The following DNAJB6 variants were observed in gnomAD, a reference collection of about 807,000 sequenced individuals.
DNAJB6 encodes the protein DnaJ heat shock protein family (Hsp40) member B6, also known as dnaJ homolog subfamily B member 6.
Under a neutral mutation model 42.7 loss-of-function variants are expected in DNAJB6, and 16 were observed. The ratio of observed to expected loss-of-function variants is 0.37; its 90% CI spans 0.25 to 0.57. DNAJB6 has a LOEUF of 0.57. Ranked by LOEUF, DNAJB6 falls within the 20% of genes least tolerant of loss-of-function variation. The probability of loss-of-function intolerance (pLI) is 0.74; values close to 1 mark genes in which losing one functional copy is unlikely to be tolerated. For missense variants in DNAJB6, 347 were observed against 416.8 expected (o/e 0.83, Z 1.46); for synonymous variants, 170 against 163.5 (o/e 1.04, Z -0.30).
At chr7:157,396,421 T>C (rs1341394447) in intron 8 of DNAJB6, among the ~76,000 whole-genome samples, 1 of 152,176 alleles carries the variant, frequency 6.6e-6, no homozygotes, top group Non-Finnish European at 1.5e-5. Context: ...ACTTAGACTT[T>C]ATGTAGTGGG....
intron 8 of DNAJB6, among the ~76,000 whole-genome samples, chr7:157,388,690 C>T (rs1056454583): frequency 4.0e-5 from 6 of 151,414 alleles, no homozygotes; most frequent in Non-Finnish European, 7.4e-5. Flanking sequence ...ATAGTGAATT[C>T]TGAGATGTTA....
intron 8 of DNAJB6, among the ~76,000 whole-genome samples, chr7:157,406,881 G>A (rs1041114197): frequency 2.0e-5 from 3 of 152,244 alleles, no homozygotes; most frequent in African/African-American, 7.2e-5. Flanking sequence ...ACCTCCCCCA[G>A]AGCAGCTCTG....
Position 157,340,998 on chromosome 7 carries a change from G to T in DNAJB6, c.-27+3854G>T, listed in dbSNP as rs867764663. On this transcript the variant is annotated intron_variant, in intron 1 of 9. Transcript: ENST00000262177. Reference sequence around the variant, plus strand: ...TGTGTGTGTGTGTGTGTGTGTGTGTGCGCGCGCGCAGGTGGAATCACCCTG... The same window carrying T: ...TGTGTGTGTGTGTGTGTGTGTGTGTTCGCGCGCGCAGGTGGAATCACCCTG... Among the ~76,000 whole-genome samples, 422 of 135,042 alleles carry T rather than the reference G, an allele frequency of 3.1e-3. 2 individuals carry two copies. The highest frequency in any genetic ancestry group is 0.012 in the African/African-American group (375 of 31,442). The allele number at this position is 135,042 out of a possible 152,430, so 88.6% of individuals were successfully genotyped here. A position where few individuals can be genotyped will look rare whatever the true frequency, so the allele number is the denominator to read the frequency against.
At chr7:157,382,142 TC>T (rs1800812655) in intron 5 of DNAJB6, 103 bp from the exon 6 acceptor site, 4 of 1,332,674 alleles carry the variant, frequency 3.0e-6, no homozygotes, top group South Asian at 3.2e-5. Context: ...AGTTTTTTGT[TC>T]CTGAATATGT....
intron 5 of DNAJB6, among the ~76,000 whole-genome samples, chr7:157,370,073 G>GGGCCCCTTCTTAACATTATTATTAAACA (rs1462522844): frequency 1.0e-3 from 134 of 132,202 alleles, no homozygotes; most frequent in African/African-American, 3.8e-3. Flanking sequence ...ATTATTAAAC[G>GGGCCCCTTCTTAACATTATTATTAAACA]GGCCCCTTCT....
At chr7:157,385,069 A>G (rs1335216712) in intron 7 of DNAJB6, 61 bp downstream of exon 7, 4 of 1,538,534 alleles carry the variant, frequency 2.6e-6, no homozygotes, top group African/African-American at 2.7e-5. Context: ...CACTGGTGCC[A>G]TGTTGCACGT....
intron 1 of DNAJB6, among the ~76,000 whole-genome samples, chr7:157,353,119 G>C (rs1799083177): frequency 6.7e-6 from 1 of 150,254 alleles, no homozygotes; most frequent in South Asian, 2.1e-4. Flanking sequence ...GTAGAGACAG[G>C]GTTTCGCCGT....
At chr7:157,346,842 T>G (rs1798713740) in intron 1 of DNAJB6, among the ~76,000 whole-genome samples, 1 of 152,166 alleles carries the variant, frequency 6.6e-6, no homozygotes, top group Admixed American at 6.6e-5. Context: ...TTTCTAGACC[T>G]TCAGCTATTT....
chr7:157,366,695 GGGGAGA>G, intron 4 of DNAJB6, 134 bp downstream of exon 4: 1 of 756,110 alleles, frequency 1.3e-6, no homozygotes, highest in Non-Finnish European at 2.2e-6. Flanking sequence ...GAACTAAATT[GGGGAGA>G]GGACAGAGAA....
chr7:157,355,765 C>T (rs1214629591), intron 1 of DNAJB6, among the ~76,000 whole-genome samples: 1 of 152,112 alleles, frequency 6.6e-6, no homozygotes, highest in Non-Finnish European at 1.5e-5. Context: ...TGTAGGGTAG[C>T]CTTCATTTGG....
At chr7:157,411,761 C>T (rs1438761279) in intron 9 of DNAJB6, 1 of 146,770 alleles carries the variant, frequency 6.8e-6, no homozygotes, top group East Asian at 2.0e-4. Flanking sequence ...CGAGGCCACA[C>T]CTGTATGTCA....
chr7:157,386,917 G>A (rs952583871), intron 8 of DNAJB6, among the ~76,000 whole-genome samples: 1 of 151,744 alleles, frequency 6.6e-6, no homozygotes, highest in African/African-American at 2.4e-5. Flanking sequence ...GGACAGTCAA[G>A]GTCTTTTGTT....
intron 1 of DNAJB6, among the ~76,000 whole-genome samples, chr7:157,339,183 ACT>A (rs1163971123): frequency 3.3e-5 from 5 of 150,162 alleles, no homozygotes; most frequent in African/African-American, 7.4e-5. Flanking sequence ...CCTTCTATTA[ACT>A]CTGTTTTGGA....
chr7:157,408,241 T>C (rs1795842793), intron 8 of DNAJB6, among the ~76,000 whole-genome samples: 1 of 152,190 alleles, frequency 6.6e-6, no homozygotes, highest in Admixed American at 6.5e-5. Flanking sequence ...TGGGGTGTCA[T>C]AGGTCAAGCC....
chr7:157,352,725 T>A (rs1433598271), intron 1 of DNAJB6, among the ~76,000 whole-genome samples: 1 of 152,170 alleles, frequency 6.6e-6, no homozygotes, highest in Non-Finnish European at 1.5e-5. Flanking sequence ...CTTAGGATAT[T>A]CTAGATGGAG....
At chr7:157,408,960 A>G (rs913910838) in intron 8 of DNAJB6, among the ~76,000 whole-genome samples, 1 of 152,194 alleles carries the variant, frequency 6.6e-6, no homozygotes, top group African/African-American at 2.4e-5. Context: ...TTGCGGAGGG[A>G]CGAGGAATCC....
At chr7:157,367,517 TC>T in intron 5 of DNAJB6, 34 bp downstream of exon 5, 1 of 1,282,624 alleles carries the variant, frequency 7.8e-7, no homozygotes, top group Non-Finnish European at 1.1e-6. Context: ...TTGGTGTGTG[TC>T]CATGACCCAA....
At chr7:157,357,152 A>C (rs902448433) in intron 1 of DNAJB6, among the ~76,000 whole-genome samples, 1 of 150,402 alleles carries the variant, frequency 6.6e-6, no homozygotes, top group Non-Finnish European at 1.5e-5. Context: ...AAAAAACAAA[A>C]AACAAAAACC....
intron 8 of DNAJB6, among the ~76,000 whole-genome samples, chr7:157,406,074 C>T (rs1033122576): frequency 1.8e-4 from 28 of 152,234 alleles, no homozygotes; most frequent in African/African-American, 6.8e-4. Context: ...ATAGAACCAT[C>T]GAGGCCGAAT....
Sources: gnomAD v4.1 joint callset for allele counts (sites outside exome capture counted in the v4.1 genomes callset) on GRCh38, gnomAD v4.1.1 for gene constraint, MANE v1.5 for transcripts, NCBI Gene and HGNC (gene_info 2026-07-23, HGNC 2026-07-21) for gene names.